The following PCLO variants were observed in gnomAD, a reference collection of about 807,000 sequenced individuals.
The protein encoded by PCLO is piccolo presynaptic cytomatrix protein, also known as protein piccolo.
A neutral mutation model predicts 427.5 loss-of-function variants in PCLO; 82 were observed. The ratio of observed to expected loss-of-function variants is 0.19; its 90% confidence interval spans 0.16 to 0.23. The LOEUF (loss-of-function observed/expected upper bound fraction) is 0.23. Among genes scored for constraint, PCLO ranks in the 10% least tolerant of loss-of-function variants. The pLI is 1.00. For missense variants in PCLO, 6,239 were observed against 6,115.9 expected (o/e 1.02, Z -0.67); for synonymous variants, 2,357 against 2,155.4 (o/e 1.09, Z -2.59).
intron 3 of PCLO, among the ~76,000 whole-genome samples, chr7:83,029,583 C>T (rs547115874): frequency 2.5e-5 from 3 of 121,998 alleles, no homozygotes; most frequent in East Asian, 2.4e-4. Context: ...ACTAGAAATA[C>T]CATTTGACCC....
chr7:83,144,805 C>G (rs1211972241), intron 2 of PCLO, among the ~76,000 whole-genome samples: 1 of 152,000 alleles, frequency 6.6e-6, no homozygotes, highest in Non-Finnish European at 1.5e-5. Context: ...AAAATTTTCC[C>G]CAAAAATACA....
chr7:82,923,285 C>CAAAA (rs1794639283), intron 6 of PCLO, among the ~76,000 whole-genome samples: 1 of 151,910 alleles, frequency 6.6e-6, no homozygotes, highest in South Asian at 2.1e-4. Flanking sequence ...GAAGGATAAT[C>CAAAA]TGGTTTCATT....
In PCLO at chr7:83,004,205, CA is replaced by C. The variant is rs1354584410; in HGVS notation, c.3301-37719del. 4.6e-5 allele frequency among the ~76,000 whole-genome samples: 7 copies of C among 151,818 alleles called. No individual in the cohort carries two copies. The East Asian group carries it at 1.4e-3, about 29-fold the overall frequency. On this transcript the variant is annotated intron_variant, in intron 3 of 24. Transcript: ENST00000333891. ...CACAAAAGATCCCAAACAGCCAAGG[CA>C]ATCTTGAGAATCAACAAAGGTATAG...
In PCLO at chr7:82,845,170, A is replaced by G. The variant is rs183538923; in HGVS notation, c.14046+101T>C. ...ATAGATCATCTGGAAATGAGAAATC[A>G]TAAGAAAAATACTTTAGAAAATGAT... On this transcript the variant is annotated intron_variant, in intron 13 of 24. Transcript: ENST00000333891. 3.0e-4 allele frequency: 248 copies of G among 833,186 alleles called. 1 individual carries two copies. The highest frequency in any genetic ancestry group is 2.4e-3 in the Admixed American group (90 of 36,936). 51.6% of individuals were successfully genotyped at this position (833,186 alleles called of 1,614,324 possible).
chr7:82,985,761 G>A (rs1796242998), intron 3 of PCLO, among the ~76,000 whole-genome samples: 1 of 151,922 alleles, frequency 6.6e-6, no homozygotes, highest in Non-Finnish European at 1.5e-5. Context: ...TGTAAGGGTA[G>A]AAAGTCGAGA....
intron 14 of PCLO, among the ~76,000 whole-genome samples, chr7:82,839,220 TACTA>T (rs1415153391): frequency 6.6e-6 from 1 of 152,086 alleles, no homozygotes; most frequent in Non-Finnish European, 1.5e-5. Flanking sequence ...TATAGAAAGA[TACTA>T]ACTTTTAAAA....
rs2091126953 is a variant in PCLO at position 83,135,384 on chromosome 7, C to G, written c.2166G>C (p.Gln722His). Reference sequence around the variant, plus strand: ...TGGACAAAGAATCTGCCTCAGGGGGCTGCTTGGCCTTGGCTGAAGGAGAGC... The same window carrying G: ...TGGACAAAGAATCTGCCTCAGGGGGGTGCTTGGCCTTGGCTGAAGGAGAGC... ...LHGSPSAKAK[Q>H]PPEADSLSKP... Residue 722 changes from glutamine (Q) to histidine (H), a missense_variant, in exon 3 of 25, where the codon CAG (glutamine) becomes CAC (histidine). Transcript: ENST00000333891. 1 of 1,613,890 alleles carries G rather than the reference C, an allele frequency of 6.2e-7. No homozygotes were observed. Among genetic ancestry groups the G allele is most frequent in the Admixed American group, 1.7e-5 (1 of 60,014 alleles).
In PCLO at chr7:82,824,223, A is replaced by C. The variant is rs1461341944; in HGVS notation, c.14596+13T>G. 6.4e-7 allele frequency: 1 copy of C among 1,573,184 alleles called. No individual in the cohort carries two copies. ...GACACAAAACTTTTTCTACTTAAAAAAATATTTCCTACCCTTTGATGGGTC... is the reference window on the plus strand; with the variant it reads ...GACACAAAACTTTTTCTACTTAAAACAATATTTCCTACCCTTTGATGGGTC... On this transcript the variant is annotated intron_variant, in intron 19 of 24. Transcript: ENST00000333891.
At chr7:82,846,431 A>C in intron 12 of PCLO, 136 bp downstream of exon 12, 1 of 622,190 alleles carries the variant, frequency 1.6e-6, no homozygotes, top group Non-Finnish European at 2.8e-6. Flanking sequence ...AATACATAAA[A>C]AAATCTATCC....
At chr7:82,967,245 G>A (rs138458993) in intron 3 of PCLO, among the ~76,000 whole-genome samples, 4 of 141,476 alleles carry the variant, frequency 2.8e-5, no homozygotes, top group East Asian at 2.1e-4. Flanking sequence ...GTGCGATCTC[G>A]GCTCGCTGCA....
chr7:83,055,713 G>A (rs1203257605), intron 3 of PCLO, among the ~76,000 whole-genome samples: 2 of 152,104 alleles, frequency 1.3e-5, no homozygotes, highest in South Asian at 2.1e-4. Context: ...AAAAACATGT[G>A]GGAGTCAAGA....
chr7:83,052,419 C>T (rs1789278037), intron 3 of PCLO, among the ~76,000 whole-genome samples: 1 of 152,002 alleles, frequency 6.6e-6, no homozygotes, highest in Non-Finnish European at 1.5e-5. Context: ...TTTCTACTTC[C>T]AAGCTGTTTG....
chr7:82,849,378 A>T (rs549403177), intron 10 of PCLO, among the ~76,000 whole-genome samples: 3 of 152,276 alleles, frequency 2.0e-5, no homozygotes, highest in African/African-American at 7.2e-5. Context: ...ACCAATGGAA[A>T]TTCTTTTTGC....
chr7:83,158,516 A>G (rs1179396027), intron 1 of PCLO, among the ~76,000 whole-genome samples: 1 of 141,582 alleles, frequency 7.1e-6, no homozygotes. Flanking sequence ...CTTTAAGCAG[A>G]GTACCAAAAA....
chr7:83,022,597 A>C (rs1233168751), intron 3 of PCLO, among the ~76,000 whole-genome samples: 1 of 152,162 alleles, frequency 6.6e-6, no homozygotes, highest in East Asian at 1.9e-4. Flanking sequence ...CACTAGCTAA[A>C]CACTAAATGT....
At chr7:82,848,304 G>GTTTTTTTTTT (rs71522632) in intron 10 of PCLO, among the ~76,000 whole-genome samples, 2 of 83,888 alleles carry the variant, frequency 2.4e-5, no homozygotes, top group Admixed American at 1.6e-4. Flanking sequence ...CCATTAGTTA[G>GTTTTTTTTTT]TTTTTTTTTT....
At chr7:83,116,937 C>G (rs926301218) in intron 3 of PCLO, among the ~76,000 whole-genome samples, 2 of 152,062 alleles carry the variant, frequency 1.3e-5, no homozygotes, top group African/African-American at 4.8e-5. Flanking sequence ...TGGAATCAAC[C>G]TGTATCTATC....
chr7:82,789,617 A>C (rs1272051449), intron 22 of PCLO, among the ~76,000 whole-genome samples: 1 of 152,186 alleles, frequency 6.6e-6, no homozygotes. Flanking sequence ...AGGCAGGAGA[A>C]TCACTTGAAG....
chr7:82,951,435 T>C lies in PCLO; in HGVS notation c.9153A>G (p.Gln3051=), dbSNP rs772743877. ...TACTAATCCCAGCTCCTGAAATGAC[T>C]TGTCGTGTTTCTGGATATGGACCTG... ...KTTGPYPETR[Q]VISGAGISTP... Residue 3051 remains glutamine (Q), a synonymous_variant, in exon 6 of 25, where the codon CAA becomes CAG. Transcript: ENST00000333891. 2 of 1,591,774 alleles carry C rather than the reference T, an allele frequency of 1.3e-6. No homozygotes were observed. Among genetic ancestry groups the C allele is most frequent in the Non-Finnish European group, 1.7e-6 (2 of 1,168,028 alleles).
Sources: gnomAD v4.1 joint callset for allele counts (sites outside exome capture counted in the v4.1 genomes callset) on GRCh38, gnomAD v4.1.1 for gene constraint, MANE v1.5 for transcripts, NCBI Gene and HGNC (gene_info 2026-07-23, HGNC 2026-07-21) for gene names.